The following RUNX1 variants were observed in gnomAD, a reference collection of about 807,000 sequenced individuals.
The protein encoded by RUNX1 is RUNX family transcription factor 1, also known as runt-related transcription factor 1.
RUNX1 carries 19 observed loss-of-function variants against 42.8 expected under a neutral mutation model. The ratio of observed to expected loss-of-function variants is 0.44; its 90% CI spans 0.31 to 0.65. The LOEUF (loss-of-function observed/expected upper bound fraction) is 0.65. Ranked by LOEUF, RUNX1 falls within the 30% of genes least tolerant of loss-of-function variation. The pLI is 0.07. For synonymous variants in RUNX1, 271 were observed against 289.4 expected (o/e 0.94, Z 0.64); for missense variants, 528 against 672.0 (o/e 0.79, Z 2.37).
At chr21:34,798,776 A>G (rs1359919597) in intron 8 of RUNX1, among the ~76,000 whole-genome samples, 1 of 152,116 alleles carries the variant, frequency 6.6e-6, no homozygotes, top group Non-Finnish European at 1.5e-5. Context: ...TGTTATATAT[A>G]AATATACCAT....
intron 2 of RUNX1, among the ~76,000 whole-genome samples, chr21:35,027,317 CG>C (rs1555917528): frequency 2.0e-5 from 3 of 152,184 alleles, no homozygotes; most frequent in Non-Finnish European, 4.4e-5. Flanking sequence ...AGGCCAATCA[CG>C]GGGCTCTTGA....
intron 6 of RUNX1, among the ~76,000 whole-genome samples, chr21:34,852,012 C>CA (rs1325729433): frequency 1.3e-5 from 2 of 151,902 alleles, no homozygotes; most frequent in African/African-American, 4.8e-5. Context: ...ACTAAAAATA[C>CA]AAAAAATTAG....
At chr21:34,887,548 G>A (rs1230661233) in intron 3 of RUNX1, 1 of 1,127,242 alleles carries the variant, frequency 8.9e-7, no homozygotes, top group African/African-American at 1.6e-5. Flanking sequence ...ATGCCTGTCA[G>A]TTTTTTGCAG....
chr21:34,911,575 C>A (rs1388475379), intron 2 of RUNX1, among the ~76,000 whole-genome samples: 3 of 152,200 alleles, frequency 2.0e-5, no homozygotes, highest in Admixed American at 6.5e-5. Context: ...TGCAGTGAAC[C>A]CCTGGCCATC....
chr21:34,789,806 T>C lies in RUNX1; in HGVS notation c.*2329A>G, dbSNP rs529363958. On this transcript the variant is annotated 3_prime_UTR_variant, in exon 9 of 9. Transcript: ENST00000675419. ...AGTAAAGGTTCAATGTAAAAGATTATCTAATCAGAGCATGAGGCTGGTTTT... is the reference window on the plus strand; with the variant it reads ...AGTAAAGGTTCAATGTAAAAGATTACCTAATCAGAGCATGAGGCTGGTTTT... 3.5e-4 allele frequency: 82 copies of C among 233,292 alleles called. No individual in the cohort carries two copies. The South Asian group carries it at 0.012, about 34-fold the overall frequency. 14.5% of individuals were successfully genotyped at this position (233,292 alleles called of 1,614,324 possible).
chr21:34,868,836 C>T (rs964376698), intron 5 of RUNX1, among the ~76,000 whole-genome samples: 2 of 152,156 alleles, frequency 1.3e-5, no homozygotes, highest in African/African-American at 4.8e-5. Flanking sequence ...ACAGTAGGTG[C>T]ACAATGTATA....
chr21:34,937,698 T>TG (rs2058496729), intron 2 of RUNX1, among the ~76,000 whole-genome samples: 2 of 145,670 alleles, frequency 1.4e-5, no homozygotes, highest in South Asian at 4.3e-4. Flanking sequence ...CAGTTTCCCA[T>TG]GAAAAAAAAA....
At chr21:34,848,165 A>C (rs2057343979) in intron 6 of RUNX1, among the ~76,000 whole-genome samples, 1 of 152,232 alleles carries the variant, frequency 6.6e-6, no homozygotes, top group Non-Finnish European at 1.5e-5. Flanking sequence ...GAGGGATATC[A>C]TACTCCTGGT....
At chr21:35,027,156 G>A (rs922946036) in intron 2 of RUNX1, among the ~76,000 whole-genome samples, 1 of 152,176 alleles carries the variant, frequency 6.6e-6, no homozygotes, top group Admixed American at 6.5e-5. Flanking sequence ...GCGAAGGGAG[G>A]GGGTGAAGCC....
chr21:34,850,192 AATCCATCTGAAAGCTGTGGGTCC>A (rs1390208816), intron 6 of RUNX1, among the ~76,000 whole-genome samples: 1 of 152,218 alleles, frequency 6.6e-6, no homozygotes, highest in Non-Finnish European at 1.5e-5. Context: ...TGCCAACCGC[AATCCATCTGAAAGCTGTGGGTCC>A]ATCCATCCCC....
intron 6 of RUNX1, among the ~76,000 whole-genome samples, chr21:34,839,828 A>G (rs1024024305): frequency 1.3e-5 from 2 of 152,172 alleles, no homozygotes; most frequent in African/African-American, 2.4e-5. Flanking sequence ...TCCAATGTGC[A>G]TTACTACTTC....
At chr21:34,912,917 A>G (rs1196330932) in intron 2 of RUNX1, among the ~76,000 whole-genome samples, 1 of 152,224 alleles carries the variant, frequency 6.6e-6, no homozygotes, top group East Asian at 1.9e-4. Flanking sequence ...GGTCTAGTTT[A>G]ATCTAGAAGC....
intron 7 of RUNX1, among the ~76,000 whole-genome samples, chr21:34,811,682 T>C (rs1330486886): frequency 1.3e-5 from 2 of 152,088 alleles, no homozygotes; most frequent in Admixed American, 6.5e-5. Context: ...CCCTCTGATA[T>C]GCTAGAGATA....
intron 2 of RUNX1, among the ~76,000 whole-genome samples, chr21:35,026,271 C>T (rs1285053879): frequency 3.3e-5 from 5 of 152,196 alleles, no homozygotes; most frequent in African/African-American, 1.2e-4. Context: ...CAGTGAATAT[C>T]GTGGTTATAC....
intron 2 of RUNX1, among the ~76,000 whole-genome samples, chr21:34,972,944 C>A (rs1442201102): frequency 3.3e-5 from 5 of 152,176 alleles, no homozygotes; most frequent in Non-Finnish European, 7.3e-5. Context: ...CTCCCAAATT[C>A]ATGTCTCCAG....
At chr21:34,822,182 T>C (rs1234431583) in intron 7 of RUNX1, among the ~76,000 whole-genome samples, 2 of 152,136 alleles carry the variant, frequency 1.3e-5, no homozygotes, top group Admixed American at 6.5e-5. Context: ...ACTTACATGA[T>C]AGATGAGGGA....
At chr21:34,905,712 A>C (rs970988261) in intron 2 of RUNX1, among the ~76,000 whole-genome samples, 5 of 152,238 alleles carry the variant, frequency 3.3e-5, no homozygotes, top group African/African-American at 1.2e-4. Flanking sequence ...TTGGTTCTTC[A>C]GTTACAGAGA....
chr21:34,874,620 A>AAAAAAAAAAAAAAAAAAAC, intron 5 of RUNX1, among the ~76,000 whole-genome samples: 1 of 144,212 alleles, frequency 6.9e-6, no homozygotes, highest in African/African-American at 2.5e-5. Flanking sequence ...CAAAAAAAAA[A>AAAAAAAAAAAAAAAAAAAC]AAAAAAAAAA....
intron 2 of RUNX1, among the ~76,000 whole-genome samples, chr21:35,012,443 TGA>T (rs2059132544): frequency 6.6e-6 from 1 of 152,226 alleles, no homozygotes; most frequent in Admixed American, 6.5e-5. Context: ...TTCTGAGCCA[TGA>T]TAAATTAATA....
Sources: gnomAD v4.1 joint callset for allele counts (sites outside exome capture counted in the v4.1 genomes callset) on GRCh38, gnomAD v4.1.1 for gene constraint, MANE v1.5 for transcripts, NCBI Gene and HGNC (gene_info 2026-07-23, HGNC 2026-07-21) for gene names.